TTC7B: variants seen among roughly 807,000 people sequenced by gnomAD.
TTC7B encodes tetratricopeptide repeat protein 7B.
In TTC7B, 28 loss-of-function variants were observed where a neutral mutation model predicts 106.8. That is an observed-to-expected ratio of 0.26 (90% CI 0.19 to 0.36). The LOEUF is 0.36. TTC7B is among the 10% of genes least tolerant of loss of function. The probability of loss-of-function intolerance (pLI) is 1.00; values close to 1 mark genes in which losing one functional copy is unlikely to be tolerated. For missense variants in TTC7B, 862 were observed against 1,076.4 expected, an observed-to-expected ratio of 0.80 and a Z score of 2.79; for synonymous variants, 405 against 430.6, an observed-to-expected ratio of 0.94 and a Z score of 0.74.
At chr14:90,650,516 A>G (rs1885670828) in intron 13 of TTC7B, among the ~76,000 whole-genome samples, 1 of 152,170 alleles carries the variant, frequency 6.6e-6, no homozygotes, top group African/African-American at 2.4e-5. Flanking sequence ...ATATGCACAC[A>G]TCATACCACA....
Position 90,531,619 on chromosome 14 carries a change from C to CAAAAA in TTC7B, c.*9744_*9748dup, listed in dbSNP as rs33973132. The CAAAAA allele has an allele frequency of 8.6e-5, 5 of 58,106 alleles. 1 individual carries two copies. Among genetic ancestry groups the CAAAAA allele is most frequent in the Admixed American group, 2.1e-4 (1 of 4,808 alleles). The allele number at this position is 58,106 out of a possible 1,614,324, so 3.6% of individuals were successfully genotyped here. On this transcript the variant is annotated 3_prime_UTR_variant, in exon 20 of 20. Transcript: ENST00000328459. ...GGACAACAAGAGCGAAACTCCTTCT[C>CAAAAA]AAAAAAAAAAAAAAAAAAAAAAAAG...
Position 90,730,063 on chromosome 14 carries a change from A to G in TTC7B, c.698+12T>C. On this transcript the variant is annotated intron_variant, in intron 5 of 19. Coordinates refer to ENST00000328459, the MANE Select transcript of TTC7B (RefSeq NM_001010854.2). ...TTTAGGAAGTGGATTTAAAAAAATGAAGATGGCTTACCCATTTTTGAAATA... is the reference window on the plus strand; with the variant it reads ...TTTAGGAAGTGGATTTAAAAAAATGGAGATGGCTTACCCATTTTTGAAATA... The G allele has an allele frequency of 6.3e-7, 1 of 1,594,284 alleles. No individual in the cohort carries two copies. Among genetic ancestry groups the G allele is most frequent in the African/African-American group, 1.4e-5 (1 of 73,624 alleles).
intron 19 of TTC7B, among the ~76,000 whole-genome samples, chr14:90,558,055 C>T (rs1044037102): frequency 3.3e-5 from 5 of 152,214 alleles, no homozygotes; most frequent in African/African-American, 4.8e-5. Context: ...CTTGGTATAC[C>T]GTCGGCACTC....
intron 5 of TTC7B, among the ~76,000 whole-genome samples, chr14:90,725,196 T>A (rs117716288): frequency 1.3e-5 from 2 of 152,222 alleles, no homozygotes; most frequent in African/African-American, 2.4e-5. Context: ...AGAGGGAAGA[T>A]GACCTCCAGA....
chr14:90,734,283 G>A (rs1889433991), intron 4 of TTC7B, among the ~76,000 whole-genome samples: 1 of 151,988 alleles, frequency 6.6e-6, no homozygotes, highest in Admixed American at 6.5e-5. Context: ...AGCCAGGTGT[G>A]GTGGCACGTG....
At chr14:90,747,227 G>C (rs537042554) in intron 3 of TTC7B, among the ~76,000 whole-genome samples, 37 of 152,300 alleles carry the variant, frequency 2.4e-4, no homozygotes, top group African/African-American at 7.9e-4. Context: ...AATCTTCCTT[G>C]ATTGGCAATA....
At chr14:90,581,820 A>C (rs149987371) in intron 18 of TTC7B, among the ~76,000 whole-genome samples, 50 of 152,240 alleles carry the variant, frequency 3.3e-4, no homozygotes, top group African/African-American at 1.1e-3. Context: ...CAAGTATCTC[A>C]CTGGTCGCCA....
intron 3 of TTC7B, among the ~76,000 whole-genome samples, chr14:90,778,911 A>G (rs770919763): frequency 5.9e-5 from 9 of 152,198 alleles, no homozygotes; most frequent in Non-Finnish European, 1.2e-4. Context: ...GCTCTTAACA[A>G]GTGTGCCCCG....
At chr14:90,771,311 A>G (rs973515417) in intron 3 of TTC7B, among the ~76,000 whole-genome samples, 1 of 152,180 alleles carries the variant, frequency 6.6e-6, no homozygotes, top group Non-Finnish European at 1.5e-5. Flanking sequence ...AAAAATATTC[A>G]TAGGCCCGGC....
chr14:90,567,502 C>A (rs1197870927), intron 19 of TTC7B: 1 of 152,126 alleles, frequency 6.6e-6, no homozygotes, highest in Non-Finnish European at 1.5e-5. Context: ...ATGAGAAACT[C>A]CCCCCGTCCA....
In TTC7B at chr14:90,660,673, G is replaced by A. The variant is rs1262490553; in HGVS notation, c.1153-2286C>T. ...GACAGTGAAGGAAGGAGGGCAAGGA[G>A]CTGCAGTGAAGGTGACAAATGGGTA... On this transcript the variant is annotated intron_variant, in intron 9 of 19. Coordinates refer to ENST00000328459, the MANE Select transcript of TTC7B (RefSeq NM_001010854.2). Among the ~76,000 whole-genome samples the A allele has an allele frequency of 3.3e-5, 5 of 152,130 alleles. 1 individual carries two copies. Among genetic ancestry groups the A allele is most frequent in the Admixed American group, 3.3e-4 (5 of 15,278 alleles).
intron 19 of TTC7B, among the ~76,000 whole-genome samples, chr14:90,544,344 T>C (rs563090417): frequency 2.6e-5 from 4 of 152,344 alleles, no homozygotes; most frequent in African/African-American, 9.6e-5. Context: ...CTTGGTGGCA[T>C]CTGCCAGAGA....
intron 18 of TTC7B, among the ~76,000 whole-genome samples, chr14:90,579,627 G>C (rs1176888856): frequency 6.6e-6 from 1 of 152,062 alleles, no homozygotes; most frequent in Non-Finnish European, 1.5e-5. Context: ...GGGAAACCCC[G>C]TCTCTACCAA....
chr14:90,656,910 C>T (rs964116916), intron 11 of TTC7B, among the ~76,000 whole-genome samples: 2 of 152,186 alleles, frequency 1.3e-5, no homozygotes, highest in Non-Finnish European at 2.9e-5. Flanking sequence ...AATTATAATT[C>T]TGTCTTATTA....
chr14:90,812,426 C>G (rs1297950402), intron 1 of TTC7B, among the ~76,000 whole-genome samples: 1 of 152,188 alleles, frequency 6.6e-6, no homozygotes, highest in African/African-American at 2.4e-5. Context: ...GCTGCTGCCT[C>G]AGCTCCAAGC....
At chr14:90,703,916 G>A (rs1002061507) in intron 5 of TTC7B, among the ~76,000 whole-genome samples, 11 of 152,206 alleles carry the variant, frequency 7.2e-5, no homozygotes, top group Non-Finnish European at 1.5e-5. Context: ...AATCTGCTGG[G>A]GAGAGAAGAC....
intron 19 of TTC7B, among the ~76,000 whole-genome samples, chr14:90,541,853 T>C (rs1291021336): frequency 6.6e-6 from 1 of 152,260 alleles, no homozygotes; most frequent in Non-Finnish European, 1.5e-5. Context: ...TCTGAAAACT[T>C]AAGAACCATG....
intron 5 of TTC7B, among the ~76,000 whole-genome samples, chr14:90,717,407 G>A (rs1459469667): frequency 6.6e-6 from 1 of 151,938 alleles, no homozygotes; most frequent in Non-Finnish European, 1.5e-5. Flanking sequence ...GCAGGAATTT[G>A]CTATGAGAAC....
intron 16 of TTC7B, among the ~76,000 whole-genome samples, chr14:90,615,693 G>A (rs759759451): frequency 9.9e-5 from 15 of 152,180 alleles, no homozygotes; most frequent in Admixed American, 2.0e-4. Flanking sequence ...ACCTCTTACC[G>A]AGCAGGCTGG....
Sources: gnomAD v4.1 joint callset for allele counts (sites outside exome capture counted in the v4.1 genomes callset) on GRCh38, gnomAD v4.1.1 for gene constraint, MANE v1.5 for transcripts, NCBI Gene and HGNC (gene_info 2026-07-23, HGNC 2026-07-21) for gene names.